Variants in DLGAP2 observed in about 807,000 individuals in gnomAD.
The protein encoded by DLGAP2 is DLG associated protein 2.
DLGAP2 carries 26 observed loss-of-function variants against 100.3 expected under a neutral mutation model. That is an observed-to-expected ratio of 0.26 (90% CI 0.19 to 0.36). The LOEUF (loss-of-function observed/expected upper bound fraction) is 0.36, where lower values mean the gene tolerates loss of function less well. Ranked by LOEUF, DLGAP2 falls within the 10% of genes least tolerant of loss-of-function variation. DLGAP2 has a pLI of 1.00. For missense variants in DLGAP2, 1,858 were observed against 1,453.2 expected (o/e 1.28, Z -4.53); for synonymous variants, 886 against 630.1 (o/e 1.41, Z -6.08).
chr8:1,214,525 C>G (rs1043153299), intron 2 of DLGAP2, among the ~76,000 whole-genome samples: 5 of 152,218 alleles, frequency 3.3e-5, no homozygotes, highest in Non-Finnish European at 7.3e-5. Flanking sequence ...AGGTAATACC[C>G]TAACCCGGAA....
chr8:1,130,810 G>A (rs1020237820), intron 2 of DLGAP2, among the ~76,000 whole-genome samples: 6 of 140,488 alleles, frequency 4.3e-5, no homozygotes, highest in South Asian at 4.3e-4. Flanking sequence ...GCTCTGCAGC[G>A]GCTGGGCTGA....
intron 3 of DLGAP2, among the ~76,000 whole-genome samples, chr8:1,486,030 A>C (rs1799228847): frequency 6.6e-6 from 1 of 152,144 alleles, no homozygotes; most frequent in Admixed American, 6.5e-5. Flanking sequence ...CCATCTCAAA[A>C]AATTATAATA....
chr8:1,376,583 G>A (rs1440303844), intron 3 of DLGAP2, among the ~76,000 whole-genome samples: 1 of 152,152 alleles, frequency 6.6e-6, no homozygotes, highest in African/African-American at 2.4e-5. Flanking sequence ...GCTGAAGAAG[G>A]GGGAGCCGGG....
intron 2 of DLGAP2, among the ~76,000 whole-genome samples, chr8:1,167,400 G>A (rs960979646): frequency 3.9e-5 from 6 of 152,072 alleles, no homozygotes; most frequent in Non-Finnish European, 5.9e-5. Context: ...GGCAGAGAGG[G>A]GTGAGGCTGG....
At chr8:1,421,823 G>C (rs1013507086) in intron 3 of DLGAP2, among the ~76,000 whole-genome samples, 1 of 152,048 alleles carries the variant, frequency 6.6e-6, no homozygotes, top group Non-Finnish European at 1.5e-5. Flanking sequence ...AATTAGCCAG[G>C]TATGGTGGCA....
chr8:1,614,821 C>G (rs1224500255), intron 6 of DLGAP2, among the ~76,000 whole-genome samples: 1 of 151,520 alleles, frequency 6.6e-6, no homozygotes, highest in Non-Finnish European at 1.5e-5. Flanking sequence ...AACTGTGGAG[C>G]CCACACACAC....
rs1271628074 is a variant in DLGAP2 at position 1,703,241 on chromosome 8, C to T, written c.*1835C>T. ...CATGTCTGGTATATATTTTACCAAA[C>T]AGCCTTAAAATATATTTGGAAGCAA... is the stretch of plus-strand genomic sequence containing the variant. On this transcript the variant is annotated 3_prime_UTR_variant, in exon 15 of 15. Transcript: ENST00000637795. 6.6e-6 allele frequency: 1 copy of T among 152,056 alleles called. No individual in the cohort carries two copies. The highest frequency in any genetic ancestry group is 2.4e-5 in the African/African-American group (1 of 41,214). The allele number at this position is 152,056 out of a possible 1,614,324, so 9.4% of individuals were successfully genotyped here. A position where few individuals can be genotyped will look rare whatever the true frequency, so the allele number is the denominator to read the frequency against.
In DLGAP2 at chr8:1,460,423, G is replaced by A. The variant is rs147330617; in HGVS notation, c.107-40943G>A. 2.7e-4 allele frequency among the ~76,000 whole-genome samples: 41 copies of A among 152,186 alleles called. 1 individual carries two copies. The East Asian group carries it at 4.1e-3, about 15-fold the overall frequency. ...GACTTTAATCAGCTGATTTCGTGTC[G>A]TCCTCAACACAACCCCTTGAAGATT... On this transcript the variant is annotated intron_variant, in intron 3 of 14. Coordinates refer to ENST00000637795, the MANE Select transcript of DLGAP2 (RefSeq NM_001346810.2).
chr8:1,316,973 C>T (rs1318794733), intron 3 of DLGAP2, among the ~76,000 whole-genome samples: 2 of 80,218 alleles, frequency 2.5e-5, no homozygotes, highest in East Asian at 5.4e-4. Flanking sequence ...AGAGCGTGTG[C>T]AAGTGCAGCA....
At chr8:1,369,585 T>C (rs1295112945) in intron 3 of DLGAP2, 3 of 152,218 alleles carry the variant, frequency 2.0e-5, no homozygotes, top group Non-Finnish European at 4.4e-5. Context: ...TGTGCCTGTA[T>C]CTTACAGGAC....
At chr8:1,359,748 A>G (rs1291437594) in intron 3 of DLGAP2, among the ~76,000 whole-genome samples, 1 of 152,198 alleles carries the variant, frequency 6.6e-6, no homozygotes, top group African/African-American at 2.4e-5. Flanking sequence ...GGGACTGTGG[A>G]TATTGGAGGG....
At chr8:1,552,169 G>A (rs1801790738) in intron 5 of DLGAP2, among the ~76,000 whole-genome samples, 1 of 152,188 alleles carries the variant, frequency 6.6e-6, no homozygotes, top group African/African-American at 2.4e-5. Context: ...CCACTCAGAT[G>A]ACACATCCTC....
chr8:967,769 ATATATATATG>A (rs1166550775), intron 2 of DLGAP2, among the ~76,000 whole-genome samples: 1 of 62,508 alleles, frequency 1.6e-5, no homozygotes, highest in East Asian at 5.3e-4. Context: ...AGAGGTGTAT[ATATATATATG>A]TATATATATA....
chr8:1,353,157 C>G (rs920922802), intron 3 of DLGAP2, among the ~76,000 whole-genome samples: 1 of 152,208 alleles, frequency 6.6e-6, no homozygotes, highest in South Asian at 2.1e-4. Flanking sequence ...CCCACACCCA[C>G]GTGTGCTGTT....
intron 1 of DLGAP2, among the ~76,000 whole-genome samples, chr8:790,126 C>G (rs988194225): frequency 2.0e-4 from 31 of 152,172 alleles, no homozygotes; most frequent in Non-Finnish European, 4.4e-4. Context: ...GAGAAAAGGT[C>G]ACCTTGGAAG....
chr8:789,246 C>T (rs949548123), intron 1 of DLGAP2, among the ~76,000 whole-genome samples: 2 of 152,146 alleles, frequency 1.3e-5, no homozygotes, highest in Admixed American at 6.5e-5. Context: ...AATTGGCTCA[C>T]GGTTCCTCAG....
intron 7 of DLGAP2, among the ~76,000 whole-genome samples, chr8:1,631,006 G>T (rs975710950): frequency 6.8e-6 from 1 of 146,146 alleles, no homozygotes; most frequent in South Asian, 2.2e-4. Context: ...GGGTCTCGGC[G>T]GGAGGTCCGG....
chr8:1,200,534 T>G (rs2116756366), intron 2 of DLGAP2, among the ~76,000 whole-genome samples: 1 of 152,262 alleles, frequency 6.6e-6, no homozygotes, highest in Non-Finnish European at 1.5e-5. Context: ...TGTTCTCTGG[T>G]CTGACCCGCC....
At chr8:1,103,939 G>T (rs532550536) in intron 2 of DLGAP2, among the ~76,000 whole-genome samples, 5 of 152,372 alleles carry the variant, frequency 3.3e-5, no homozygotes, top group African/African-American at 9.6e-5. Flanking sequence ...GAGGATGCCA[G>T]TGATGGACCT....
Sources: allele counts gnomAD v4.1 joint callset (sites outside exome capture counted in the v4.1 genomes callset), GRCh38; gene constraint gnomAD v4.1.1; transcripts MANE v1.5; gene names NCBI Gene and HGNC (gene_info 2026-07-23, HGNC 2026-07-21).